CSMD1: variants seen among roughly 807,000 people sequenced by gnomAD.
CSMD1 encodes the protein CUB and Sushi multiple domains 1, also known as CUB and sushi domain-containing protein 1.
A neutral mutation model predicts 417.5 loss-of-function variants in CSMD1; 213 were observed. The ratio of observed to expected loss-of-function variants is 0.51; its 90% confidence interval spans 0.46 to 0.57. The LOEUF is 0.57. Among genes scored for constraint, CSMD1 ranks in the 20% least tolerant of loss-of-function variants. The pLI is 0.00. For synonymous variants in CSMD1, 2,862 were observed against 1,736.8 expected (o/e 1.65, Z -16.11); for missense variants, 6,923 against 4,529.7 (o/e 1.53, Z -15.17).
At chr8:3,619,807 G>A (rs1700210990) in intron 7 of CSMD1, among the ~76,000 whole-genome samples, 1 of 152,130 alleles carries the variant, frequency 6.6e-6, no homozygotes, top group Non-Finnish European at 1.5e-5. Flanking sequence ...TGGGCACGGT[G>A]GCTCACACAA....
At chr8:4,087,555 T>C (rs550981538) in intron 3 of CSMD1, among the ~76,000 whole-genome samples, 4 of 152,286 alleles carry the variant, frequency 2.6e-5, no homozygotes, top group South Asian at 2.1e-4. Flanking sequence ...CTGGCTATAA[T>C]TTCTGTCCTT....
At chr8:3,331,382 A>G (rs1471222374) in intron 23 of CSMD1, among the ~76,000 whole-genome samples, 1 of 152,252 alleles carries the variant, frequency 6.6e-6, no homozygotes, top group Non-Finnish European at 1.5e-5. Context: ...GTTTGCTAAC[A>G]GTGGCCATGA....
rs1050252198 is a variant in CSMD1, at chr8:4,545,514, C to T, written c.302+91828G>A. Reference sequence around the variant, plus strand: ...AAAATAAACTAGTGGGTAGATCTCACGACCCTACGAAAGAATCTACATATA... The same window carrying T: ...AAAATAAACTAGTGGGTAGATCTCATGACCCTACGAAAGAATCTACATATA... On this transcript the variant is annotated intron_variant, in intron 2 of 69. Transcript: ENST00000635120. Among the ~76,000 whole-genome samples, 24 of 148,526 alleles carry T rather than the reference C, an allele frequency of 1.6e-4. 1 individual carries two copies. The Middle Eastern group carries it at 0.016, about 101-fold the overall frequency.
chr8:4,533,428 G>C (rs1213690020), intron 2 of CSMD1, among the ~76,000 whole-genome samples: 2 of 152,178 alleles, frequency 1.3e-5, no homozygotes, highest in Non-Finnish European at 2.9e-5. Flanking sequence ...GGGGACTTTT[G>C]CTGTTAATCT....
chr8:3,059,076 A>C (rs1020445010), intron 49 of CSMD1, among the ~76,000 whole-genome samples: 1 of 151,956 alleles, frequency 6.6e-6, no homozygotes, highest in African/African-American at 2.4e-5. Flanking sequence ...TGTTCCCCGC[A>C]TGTGTCTCCT....
At chr8:4,088,059 C>T (rs961386049) in intron 3 of CSMD1, among the ~76,000 whole-genome samples, 2 of 152,160 alleles carry the variant, frequency 1.3e-5, no homozygotes, top group Non-Finnish European at 2.9e-5. Flanking sequence ...TGACCTTTGA[C>T]AATCACAGTA....
chr8:4,231,539 T>A (rs910899110), intron 3 of CSMD1, among the ~76,000 whole-genome samples: 1 of 151,966 alleles, frequency 6.6e-6, no homozygotes, highest in Non-Finnish European at 1.5e-5. Context: ...TTTTTGGTGT[T>A]AAAGGCTAAG....
chr8:3,433,941 G>C (rs1235303243), intron 12 of CSMD1, among the ~76,000 whole-genome samples: 1 of 152,134 alleles, frequency 6.6e-6, no homozygotes, highest in Non-Finnish European at 1.5e-5. Context: ...AATCTCAGAT[G>C]GCTCCCAGGC....
chr8:4,673,663 T>C (rs1441459078), intron 1 of CSMD1, among the ~76,000 whole-genome samples: 1 of 152,128 alleles, frequency 6.6e-6, no homozygotes, highest in African/African-American at 2.4e-5. Context: ...TTACATCAAC[T>C]CTGCTAATGC....
intron 3 of CSMD1, among the ~76,000 whole-genome samples, chr8:4,063,858 G>A (rs1024605774): frequency 5.3e-5 from 8 of 152,222 alleles, no homozygotes; most frequent in African/African-American, 1.9e-4. Context: ...CTATGACTTT[G>A]TCACATCAGC....
At chr8:4,651,992 G>T (rs1472474133) in intron 1 of CSMD1, among the ~76,000 whole-genome samples, 1 of 152,166 alleles carries the variant, frequency 6.6e-6, no homozygotes, top group Non-Finnish European at 1.5e-5. Context: ...AATGAAAGGA[G>T]ACTCAATTAG....
chr8:3,647,241 G>A (rs1797620679), intron 7 of CSMD1, among the ~76,000 whole-genome samples: 1 of 152,192 alleles, frequency 6.6e-6, no homozygotes, highest in Admixed American at 6.5e-5. Flanking sequence ...TTCAGCAAGG[G>A]ATGAGTAACA....
intron 2 of CSMD1, among the ~76,000 whole-genome samples, chr8:4,464,093 T>G (rs1800003640): frequency 6.6e-6 from 1 of 152,154 alleles, no homozygotes; most frequent in African/African-American, 2.4e-5. Context: ...TTTCTCAGTT[T>G]TCTAAAAGAA....
Position 4,488,481 on chromosome 8 carries a change from T to C in CSMD1, c.303-68416A>G, listed in dbSNP as rs550940323. ...AATGAATATTCACAAAATAAACTAG[T>C]GGTGACAGTAGTCACCCTACTCTGA... On this transcript the variant is annotated intron_variant, in intron 2 of 69. Coordinates refer to ENST00000635120, the MANE Select transcript of CSMD1 (RefSeq NM_033225.6). 1.4e-4 allele frequency among the ~76,000 whole-genome samples: 22 copies of C among 152,256 alleles called. No individual in the cohort carries two copies. In the East Asian group the frequency reaches 4.1e-3, roughly 28 times the overall value.
intron 62 of CSMD1, among the ~76,000 whole-genome samples, chr8:2,958,653 A>G (rs548062772): frequency 6.6e-6 from 1 of 152,320 alleles, no homozygotes; most frequent in East Asian, 1.9e-4. Flanking sequence ...ATACAGGGAG[A>G]GGAAAGCAGC....
chr8:4,242,989 C>T (rs562586217), intron 3 of CSMD1, among the ~76,000 whole-genome samples: 1 of 152,082 alleles, frequency 6.6e-6, no homozygotes, highest in Non-Finnish European at 1.5e-5. Context: ...GTAGTGAAGG[C>T]ACTAACTTGT....
At chr8:4,803,260 G>A (rs528566616) in intron 1 of CSMD1, among the ~76,000 whole-genome samples, 1 of 152,136 alleles carries the variant, frequency 6.6e-6, no homozygotes, top group Non-Finnish European at 1.5e-5. Context: ...GGTTTACTGA[G>A]AAATGTTATC....
intron 3 of CSMD1, among the ~76,000 whole-genome samples, chr8:4,156,724 G>T (rs913334429): frequency 6.6e-6 from 1 of 152,140 alleles, no homozygotes; most frequent in Non-Finnish European, 1.5e-5. Context: ...GCAGTTTGCA[G>T]TGGGGCCAGT....
rs192165014 is a variant in CSMD1, at chr8:4,014,338, G to C, written c.611-16228C>G. Among the ~76,000 whole-genome samples the C allele has an allele frequency of 3.9e-3, 593 of 152,246 alleles. 7 individuals carry two copies. The highest frequency in any genetic ancestry group is 0.02 in the Middle Eastern group (6 of 294). ...AACATTCATCACATTCAATTATAGA[G>C]AGAAAATAATCTGTAAAATATTGAG... is the stretch of plus-strand genomic sequence containing the variant. On this transcript the variant is annotated intron_variant, in intron 4 of 69. Transcript: ENST00000635120.
Sources: gnomAD v4.1 joint callset for allele counts (sites outside exome capture counted in the v4.1 genomes callset) on GRCh38, gnomAD v4.1.1 for gene constraint, MANE v1.5 for transcripts, NCBI Gene and HGNC (gene_info 2026-07-23, HGNC 2026-07-21) for gene names.